The following B3GLCT variants were observed in gnomAD, a reference collection of about 807,000 sequenced individuals.
B3GLCT encodes beta-1,3-glucosyltransferase.
Under a neutral mutation model 63.4 loss-of-function variants are expected in B3GLCT, and 65 were observed. The ratio of observed to expected loss-of-function variants is 1.03; its 90% CI spans 0.84 to 1.26. The LOEUF (loss-of-function observed/expected upper bound fraction) is 1.26, where lower values mean the gene tolerates loss of function less well. B3GLCT is among the 50% of genes most tolerant of loss of function. The pLI is 0.00. For missense variants in B3GLCT, 577 were observed against 604.8 expected, an observed-to-expected ratio of 0.95 and a Z score of 0.48; for synonymous variants, 233 against 219.2, an observed-to-expected ratio of 1.06 and a Z score of -0.55.
At chr13:31,229,362 A>T in intron 4 of B3GLCT, 68 bp downstream of exon 4, 1 of 947,628 alleles carries the variant, frequency 1.1e-6, no homozygotes, top group Middle Eastern at 2.1e-4. Context: ...TTTCCAAAAC[A>T]CTGGATCCGT....
At chr13:31,216,382 T>A (rs1869564942) in intron 2 of B3GLCT, among the ~76,000 whole-genome samples, 1 of 152,172 alleles carries the variant, frequency 6.6e-6, no homozygotes, top group Non-Finnish European at 1.5e-5. Flanking sequence ...GTCACATGAT[T>A]TTTTTTTCTT....
In B3GLCT at chr13:31,229,459, C is replaced by T. The variant is rs550227339; in HGVS notation, c.270+165C>T. On this transcript the variant is annotated intron_variant, in intron 4 of 14. Transcript: ENST00000343307. ...TGAGTATTTGTTGTTGAAAATGTTTCGGTCAGCTGGGCGTGGTGGCTCACG... is the reference window on the plus strand; with the variant it reads ...TGAGTATTTGTTGTTGAAAATGTTTTGGTCAGCTGGGCGTGGTGGCTCACG... 1.4e-4 allele frequency among the ~76,000 whole-genome samples: 22 copies of T among 152,214 alleles called. 1 individual carries two copies. Among genetic ancestry groups the T allele is most frequent in the Admixed American group, 7.2e-4 (11 of 15,280 alleles).
intron 12 of B3GLCT, among the ~76,000 whole-genome samples, chr13:31,294,329 T>C (rs1873827270): frequency 6.6e-6 from 1 of 152,218 alleles, no homozygotes; most frequent in Non-Finnish European, 1.5e-5. Flanking sequence ...TGGTGTTCTC[T>C]GTATTTCCTG....
chr13:31,329,281 A>G (rs1875792971), intron 14 of B3GLCT, among the ~76,000 whole-genome samples: 1 of 152,208 alleles, frequency 6.6e-6, no homozygotes, highest in Non-Finnish European at 1.5e-5. Flanking sequence ...TAGAAGCAAA[A>G]AGCAGTGCAT....
At chr13:31,213,647 A>G (rs1415482019) in intron 1 of B3GLCT, among the ~76,000 whole-genome samples, 3 of 100,514 alleles carry the variant, frequency 3.0e-5, no homozygotes, top group Non-Finnish European at 5.7e-5. Flanking sequence ...AAAACTCACT[A>G]TAACTGTATT....
intron 4 of B3GLCT, among the ~76,000 whole-genome samples, chr13:31,236,810 A>G (rs1316910319): frequency 6.6e-6 from 1 of 152,164 alleles, no homozygotes; most frequent in East Asian, 1.9e-4. Context: ...AGTTGACTTT[A>G]TTCCATGAAT....
At chr13:31,210,995 A>G (rs1308759672) in intron 1 of B3GLCT, among the ~76,000 whole-genome samples, 5 of 152,142 alleles carry the variant, frequency 3.3e-5, no homozygotes, top group Non-Finnish European at 7.4e-5. Context: ...CTCCTGCCTC[A>G]GCCTCCCGAA....
At chr13:31,208,440 C>G (rs1374311583) in intron 1 of B3GLCT, among the ~76,000 whole-genome samples, 1 of 152,128 alleles carries the variant, frequency 6.6e-6, no homozygotes, top group African/African-American at 2.4e-5. Context: ...TGGGCTCACC[C>G]CTGCACCCGG....
rs370910355 is a variant in B3GLCT at position 31,286,782 on chromosome 13, G to T, written c.1027G>T (p.Ala343Ser). 3.7e-6 allele frequency: 6 copies of T among 1,613,222 alleles called. No individual in the cohort carries two copies. Among genetic ancestry groups the T allele is most frequent in the Middle Eastern group, 1.7e-4 (1 of 6,060 alleles). Residue 343 changes from alanine to serine, a missense_variant, in exon 12 of 15, where the codon GCA becomes TCA. Transcript: ENST00000343307. ...RFLNRSQDKT[A>S]WLVIVDDDTL... Reference sequence around the variant, plus strand: ...TCTGAATCGTAGCCAGGACAAAACAGCATGGTTAGTCATTGTGGATGATGA... The same window carrying T: ...TCTGAATCGTAGCCAGGACAAAACATCATGGTTAGTCATTGTGGATGATGA...
At chr13:31,252,247 C>T (rs1289004113) in intron 6 of B3GLCT, among the ~76,000 whole-genome samples, 1 of 152,148 alleles carries the variant, frequency 6.6e-6, no homozygotes, top group East Asian at 1.9e-4. Flanking sequence ...ACAACCAGTA[C>T]CAGCCACTGC....
intron 14 of B3GLCT, among the ~76,000 whole-genome samples, chr13:31,326,183 G>A (rs1875594322): frequency 1.3e-5 from 2 of 149,402 alleles, no homozygotes; most frequent in Non-Finnish European, 3.0e-5. Flanking sequence ...CTAAGGAAAT[G>A]TGATTTTAAT....
chr13:31,290,199 G>C (rs9530373), intron 12 of B3GLCT, among the ~76,000 whole-genome samples: 139,067 of 152,260 alleles, frequency 0.91, 63,656 homozygotes, highest in East Asian at 1. Flanking sequence ...ATGAACTCAT[G>C]CTTTTTTATG....
chr13:31,204,410 CTG>C (rs1410525264), intron 1 of B3GLCT, among the ~76,000 whole-genome samples: 1 of 152,078 alleles, frequency 6.6e-6, no homozygotes, highest in African/African-American at 2.4e-5. Flanking sequence ...GCTTGAGAAA[CTG>C]TGGGGTAAGG....
intron 12 of B3GLCT, among the ~76,000 whole-genome samples, chr13:31,310,146 C>T (rs1378234992): frequency 3.8e-4 from 58 of 152,106 alleles, no homozygotes; most frequent in Non-Finnish European, 7.3e-5. Context: ...TTCCCAAGCC[C>T]GCCTATGGAC....
chr13:31,250,153 G>A (rs1026327210), intron 6 of B3GLCT, among the ~76,000 whole-genome samples: 2 of 152,068 alleles, frequency 1.3e-5, no homozygotes, highest in Admixed American at 6.5e-5. Flanking sequence ...TTTATGAGGT[G>A]TGTTGACTTT....
At chr13:31,203,013 C>G (rs948470831) in intron 1 of B3GLCT, among the ~76,000 whole-genome samples, 5 of 152,164 alleles carry the variant, frequency 3.3e-5, no homozygotes, top group African/African-American at 1.2e-4. Flanking sequence ...GAAGCTTATT[C>G]GAACCAATGA....
chr13:31,319,822 G>A (rs573462984), intron 13 of B3GLCT, among the ~76,000 whole-genome samples: 30 of 152,276 alleles, frequency 2.0e-4, no homozygotes, highest in Non-Finnish European at 2.9e-4. Context: ...ATTTCTGACC[G>A]TAACCCCTGA....
At position 31,273,089 on chromosome 13, in the gene B3GLCT, T is replaced by C. The variant is rs530704922; in HGVS notation, c.661-1420T>C. On this transcript the variant is annotated intron_variant, in intron 8 of 14. Transcript: ENST00000343307. ...GTTTTATTCAATTATTTTTCTTTTT[T>C]CTTTCTTTGTTTTTCTTTTGAGACA... Among the ~76,000 whole-genome samples the C allele has an allele frequency of 2.3e-3, 344 of 152,310 alleles. 2 individuals carry two copies. The highest frequency in any genetic ancestry group is 7.9e-3 in the African/African-American group (328 of 41,554).
At chr13:31,224,291 A>T (rs913957213) in intron 3 of B3GLCT, among the ~76,000 whole-genome samples, 3 of 152,110 alleles carry the variant, frequency 2.0e-5, no homozygotes, top group Non-Finnish European at 4.4e-5. Context: ...GGCTTTGAGC[A>T]TTTATTTGTA....
Sources: gnomAD v4.1 joint callset for allele counts (sites outside exome capture counted in the v4.1 genomes callset) on GRCh38, gnomAD v4.1.1 for gene constraint, MANE v1.5 for transcripts, NCBI Gene and HGNC (gene_info 2026-07-23, HGNC 2026-07-21) for gene names.